The following LMO1 variants were observed in gnomAD, a reference collection of about 807,000 sequenced individuals.
LMO1 encodes the protein rhombotin-1.
In LMO1, 10 loss-of-function variants were observed where a neutral mutation model predicts 18.0. The observed-to-expected ratio is 0.55, with a 90% confidence interval of 0.34 to 0.94. The LOEUF (loss-of-function observed/expected upper bound fraction) is 0.94, where lower values mean the gene tolerates loss of function less well. LMO1 is among the 40% of genes least tolerant of loss of function. LMO1 has a pLI of 0.02. For synonymous variants in LMO1, 77 were observed against 77.9 expected (o/e 0.99, Z 0.06); for missense variants, 183 against 205.7 (o/e 0.89, Z 0.68).
intron 2 of LMO1, 45 bp from the exon 3 acceptor site, chr11:8,227,145 C>G (rs1952562061): frequency 6.3e-7 from 1 of 1,585,676 alleles, no homozygotes; most frequent in Admixed American, 1.7e-5. Context: ...TTCTGGGAAG[C>G]TGGGTGGGCA....
chr11:8,247,261 G>A (rs1164895528), intron 1 of LMO1, among the ~76,000 whole-genome samples: 1 of 152,166 alleles, frequency 6.6e-6, no homozygotes, highest in African/African-American at 2.4e-5. Context: ...TAGCATCATA[G>A]TAAGGACTCC....
At chr11:8,251,224 A>T (rs766976387) in intron 1 of LMO1, among the ~76,000 whole-genome samples, 19 of 152,198 alleles carry the variant, frequency 1.2e-4, no homozygotes, top group Non-Finnish European at 2.5e-4. Context: ...CAAGACCCAG[A>T]AAGGGGAAGG....
chr11:8,238,438 G>C (rs1266627103), intron 1 of LMO1, among the ~76,000 whole-genome samples: 1 of 152,214 alleles, frequency 6.6e-6, no homozygotes, highest in Middle Eastern at 3.2e-3. Flanking sequence ...TTGGGAGGCT[G>C]AGGTAGGCGG....
At chr11:8,267,234 C>G (rs1847270109), upstream of LMO1, among the ~76,000 whole-genome samples, 1 of 152,222 alleles carries the variant, frequency 6.6e-6, no homozygotes, top group African/African-American at 2.4e-5. Flanking sequence ...TGGGTGTGCA[C>G]TGACCAACTG....
intron 1 of LMO1, among the ~76,000 whole-genome samples, chr11:8,236,345 C>T (rs1952760008): frequency 1.3e-5 from 2 of 151,856 alleles, no homozygotes; most frequent in Admixed American, 6.6e-5. Context: ...CACATACCAC[C>T]AAGCCAGGCT....
At chr11:8,266,710 G>A (rs1234698878), upstream of LMO1, among the ~76,000 whole-genome samples, 1 of 152,216 alleles carries the variant, frequency 6.6e-6, no homozygotes, top group Non-Finnish European at 1.5e-5. Flanking sequence ...ATTAGGAGTG[G>A]GGGTGGGAGA....
At chr11:8,224,809 A>T in intron 3 of LMO1, 88 bp from the exon 4 acceptor site, 1 of 840,808 alleles carries the variant, frequency 1.2e-6, no homozygotes, top group Non-Finnish European at 2.0e-6. Flanking sequence ...CTGGCCTATG[A>T]GGTGAGCTAT....
At position 8,224,360 on chromosome 11, in the gene LMO1, A is replaced by G; in HGVS notation, c.*256T>C. ...CACGCCAGTAATAAAATCGCATTAC[A>G]TTTCTCATAAAATAAATGTTCCCAT... On this transcript the variant is annotated 3_prime_UTR_variant, in exon 4 of 4. Transcript: ENST00000335790. 1 of 498,244 alleles carries G rather than the reference A, an allele frequency of 2.0e-6. No individual in the cohort carries two copies. Among genetic ancestry groups the G allele is most frequent in the South Asian group, 3.0e-5 (1 of 33,088 alleles). The allele number at this position is 498,244 out of a possible 1,614,324, so 30.9% of individuals were successfully genotyped here.
At chr11:8,226,158 C>T (rs1479664768) in intron 3 of LMO1, among the ~76,000 whole-genome samples, 1 of 151,994 alleles carries the variant, frequency 6.6e-6, no homozygotes, top group African/African-American at 2.4e-5. Flanking sequence ...ACACTGGGTA[C>T]GGGGGTGGGA....
At chr11:8,264,414 C>T (rs1327952086), upstream of LMO1, among the ~76,000 whole-genome samples, 1 of 152,160 alleles carries the variant, frequency 6.6e-6, no homozygotes, top group Non-Finnish European at 1.5e-5. Context: ...AGTTCTAAGG[C>T]ACTAGGGATA....
intron 2 of LMO1, among the ~76,000 whole-genome samples, chr11:8,227,727 T>G (rs1022562251): frequency 1.3e-5 from 2 of 152,254 alleles, no homozygotes; most frequent in Non-Finnish European, 2.9e-5. Flanking sequence ...ATTTAAAATA[T>G]GAGTCACAGA....
At chr11:8,231,783 G>A (rs921701260) in intron 1 of LMO1, among the ~76,000 whole-genome samples, 77 of 152,044 alleles carry the variant, frequency 5.1e-4, no homozygotes, top group African/African-American at 1.7e-3. Flanking sequence ...ATCCCCTGGT[G>A]TCCCTCCCAT....
intron 1 of LMO1, among the ~76,000 whole-genome samples, chr11:8,254,288 T>C (rs4237770): frequency 0.37 from 56,744 of 152,130 alleles, 12,507 homozygotes; most frequent in Middle Eastern, 0.55. Flanking sequence ...CAAGCAATTC[T>C]TATTATTTCA....
At chr11:8,266,862 AC>A (rs1338877411), upstream of LMO1, among the ~76,000 whole-genome samples, 1 of 152,224 alleles carries the variant, frequency 6.6e-6, no homozygotes, top group East Asian at 1.9e-4. Flanking sequence ...AGCTAGCCAC[AC>A]AGGTGATGCT....
intron 1 of LMO1, among the ~76,000 whole-genome samples, chr11:8,261,331 A>G: frequency 6.6e-6 from 1 of 152,216 alleles, no homozygotes; most frequent in East Asian, 1.9e-4. Context: ...TGCTTGAGGT[A>G]CACTGCAATT....
At chr11:8,251,247 G>C (rs955040214) in intron 1 of LMO1, among the ~76,000 whole-genome samples, 2 of 152,210 alleles carry the variant, frequency 1.3e-5, no homozygotes, top group African/African-American at 4.8e-5. Context: ...CCAGCCTAAG[G>C]ACACACTGTG....
intron 1 of LMO1, among the ~76,000 whole-genome samples, chr11:8,237,082 T>C (rs1447756443): frequency 2.0e-5 from 3 of 151,858 alleles, no homozygotes; most frequent in Admixed American, 6.6e-5. Context: ...GTTACCCTCA[T>C]GGACCCACGT....
chr11:8,246,559 C>A (rs1846897813), intron 1 of LMO1, among the ~76,000 whole-genome samples: 1 of 152,242 alleles, frequency 6.6e-6, no homozygotes, highest in African/African-American at 2.4e-5. Context: ...TGCTAATGGG[C>A]TGAAGGTTCT....
Position 8,263,839 on chromosome 11 carries a change from T to A in LMO1, c.-477A>T. 5.7e-6 allele frequency: 6 copies of A among 1,053,284 alleles called. No homozygotes were observed. The highest frequency in any genetic ancestry group is 6.9e-6 in the Non-Finnish European group (6 of 872,416). 65.2% of individuals were successfully genotyped at this position (1,053,284 alleles called of 1,614,324 possible). A position where few individuals can be genotyped will look rare whatever the true frequency, so the allele number is the denominator to read the frequency against. ...AATTATATTCAAAGAGATGGGGGAATCTCGTGGCCGTCTCCCGCTGCCTTT... is the reference window on the plus strand; with the variant it reads ...AATTATATTCAAAGAGATGGGGGAAACTCGTGGCCGTCTCCCGCTGCCTTT... On this transcript the variant is annotated 5_prime_UTR_variant, in exon 1 of 4. Coordinates refer to ENST00000335790, the MANE Select transcript of LMO1 (RefSeq NM_002315.3).
Sources: gnomAD v4.1 joint callset for allele counts (sites outside exome capture counted in the v4.1 genomes callset) on GRCh38, gnomAD v4.1.1 for gene constraint, MANE v1.5 for transcripts, NCBI Gene and HGNC (gene_info 2026-07-23, HGNC 2026-07-21) for gene names.